Variants in SIPA1L3 observed in about 807,000 individuals in gnomAD.
The protein encoded by SIPA1L3 is signal-induced proliferation-associated 1-like protein 3.
Under a neutral mutation model 150.1 loss-of-function variants are expected in SIPA1L3, and 59 were observed. The ratio of observed to expected loss-of-function variants is 0.39; its 90% CI spans 0.32 to 0.49. The LOEUF (loss-of-function observed/expected upper bound fraction) is 0.49, where lower values mean the gene tolerates loss of function less well. Ranked by LOEUF, SIPA1L3 falls within the 20% of genes least tolerant of loss-of-function variation. The probability of loss-of-function intolerance (pLI) is 0.86; values close to 1 mark genes in which losing one functional copy is unlikely to be tolerated. For missense variants in SIPA1L3, 2,211 were observed against 2,489.5 expected, an observed-to-expected ratio of 0.89 and a Z score of 2.38; for synonymous variants, 1,070 against 1,077.6, an observed-to-expected ratio of 0.99 and a Z score of 0.14.
intron 8 of SIPA1L3, among the ~76,000 whole-genome samples, chr19:38,117,083 G>A (rs1424841458): frequency 2.6e-5 from 4 of 152,264 alleles, no homozygotes; most frequent in South Asian, 2.1e-4. Context: ...GGCTCCTTCC[G>A]CCCAGAAGCC....
intron 2 of SIPA1L3, among the ~76,000 whole-genome samples, chr19:38,049,961 G>C (rs2145757800): frequency 6.6e-6 from 1 of 152,228 alleles, no homozygotes. Flanking sequence ...CTTTCCAAGA[G>C]AGGCCCAGTC....
At chr19:38,192,458 G>T in intron 17 of SIPA1L3, 148 bp downstream of exon 17, 1 of 703,846 alleles carries the variant, frequency 1.4e-6, no homozygotes. Context: ...CAGTCCTGTT[G>T]GGGGCTATGG....
chr19:37,966,636 T>C (rs1370470120), intron 1 of SIPA1L3, among the ~76,000 whole-genome samples: 1 of 152,070 alleles, frequency 6.6e-6, no homozygotes, highest in African/African-American at 2.4e-5. Flanking sequence ...GGGAGGTGAT[T>C]TTGATCCGCC....
intron 9 of SIPA1L3, among the ~76,000 whole-genome samples, chr19:38,127,005 C>T (rs996578682): frequency 1.3e-5 from 2 of 151,898 alleles, no homozygotes; most frequent in Non-Finnish European, 2.9e-5. Context: ...CCAGCCTGAC[C>T]GACATGGAGA....
chr19:38,030,365 C>T (rs1175228874), intron 2 of SIPA1L3, among the ~76,000 whole-genome samples: 5 of 151,940 alleles, frequency 3.3e-5, no homozygotes, highest in Middle Eastern at 6.8e-3. Context: ...TGCTGGAGAC[C>T]AGCCTGGGCA....
rs749829120 is a variant in SIPA1L3, at chr19:38,110,352, C to T, written c.2259C>T (p.Val753=). 25 of 1,614,116 alleles carry T rather than the reference C, an allele frequency of 1.5e-5. No individual in the cohort carries two copies. Among genetic ancestry groups the T allele is most frequent in the Middle Eastern group, 3.3e-4 (2 of 6,062 alleles). ...HFQHVFIIVR[V]HNPCTDNVCY... ...AGCACGTCTTCATCATTGTCCGAGT[C>T]CACAACCCCTGCACTGATAACGTCT... is the stretch of plus-strand genomic sequence containing the variant. Residue 753 remains valine (V), a synonymous_variant, in exon 8 of 22, where the codon GTC becomes GTT. Coordinates refer to ENST00000222345, the MANE Select transcript of SIPA1L3 (RefSeq NM_015073.3).
chr19:38,094,824 T>C (rs1456294629), intron 4 of SIPA1L3, among the ~76,000 whole-genome samples: 5 of 152,072 alleles, frequency 3.3e-5, no homozygotes, highest in South Asian at 2.1e-4. Flanking sequence ...CCCAGCACTT[T>C]TGGAGGCCTA....
chr19:37,975,599 C>G (rs1239260974), intron 1 of SIPA1L3, among the ~76,000 whole-genome samples: 2 of 152,172 alleles, frequency 1.3e-5, no homozygotes, highest in Non-Finnish European at 2.9e-5. Flanking sequence ...AACTTTAGAA[C>G]AGCTCCTGGC....
chr19:38,061,443 C>T (rs529299971), intron 2 of SIPA1L3, among the ~76,000 whole-genome samples: 2 of 151,834 alleles, frequency 1.3e-5, no homozygotes, highest in Non-Finnish European at 2.9e-5. Flanking sequence ...ATGTTGAGAA[C>T]TTGGAATCTG....
At chr19:38,059,041 A>G (rs1350194123) in intron 2 of SIPA1L3, among the ~76,000 whole-genome samples, 1 of 151,874 alleles carries the variant, frequency 6.6e-6, no homozygotes, top group African/African-American at 2.4e-5. Flanking sequence ...AAAAAAAAAA[A>G]AAAAGACAAA....
chr19:37,946,871 G>T (rs2046716601), intron 1 of SIPA1L3, among the ~76,000 whole-genome samples: 1 of 151,980 alleles, frequency 6.6e-6, no homozygotes, highest in Non-Finnish European at 1.5e-5. Flanking sequence ...TATTTATTTT[G>T]GAATTGGTTG....
intron 2 of SIPA1L3, among the ~76,000 whole-genome samples, chr19:38,045,424 C>A (rs1470018726): frequency 6.6e-6 from 1 of 151,108 alleles, no homozygotes; most frequent in Non-Finnish European, 1.5e-5. Context: ...CGTAATTTAA[C>A]TGTGGCAATG....
intron 16 of SIPA1L3, among the ~76,000 whole-genome samples, chr19:38,186,480 TTTTTG>T (rs148671328): frequency 0.35 from 52,253 of 147,742 alleles, 10,974 homozygotes; most frequent in Middle Eastern, 0.56. Flanking sequence ...GTCTGGCTAA[TTTTTG>T]TTTTGTTTTG....
intron 6 of SIPA1L3, 138 bp from the exon 7 acceptor site, chr19:38,106,399 G>A (rs755187366): frequency 1.4e-6 from 1 of 704,836 alleles, no homozygotes; most frequent in Admixed American, 2.0e-5. Flanking sequence ...GAACCACCAG[G>A]CCTGGCCAGT....
chr19:37,974,609 T>C (rs755066425), intron 1 of SIPA1L3, among the ~76,000 whole-genome samples: 13 of 152,022 alleles, frequency 8.6e-5, no homozygotes, highest in Non-Finnish European at 1.8e-4. Context: ...GAGGGTGAGA[T>C]GCAGGAGCAG....
intron 11 of SIPA1L3, 80 bp downstream of exon 11, chr19:38,141,515 A>C: frequency 7.1e-7 from 1 of 1,406,870 alleles, no homozygotes; most frequent in Non-Finnish European, 9.7e-7. Flanking sequence ...TCTCCTCACT[A>C]TTTCCTCCAT....
In SIPA1L3 at chr19:38,164,803, G is replaced by T; in HGVS notation, c.4105G>T (p.Val1369Phe). The change falls in exon 15 of 22, where the codon GTT (valine) becomes TTT (phenylalanine). Residue 1369 changes from valine (V) to phenylalanine (F), a missense_variant. Physicochemically the swap from Val to Phe is conservative, Grantham distance 50 (BLOSUM62 -1). Around this residue, in one of 5 missense-constraint regions of SIPA1L3, gnomAD observed 806 missense variants for 870.1 expected, o/e 0.93. Transcript: ENST00000222345. The surrounding 1 kb of genome is among the most constrained non-coding windows in gnomAD (Gnocchi z 4.1). ...GCGGGAGGTCTCCCCTGCCCCCGCA[G>T]TTGCCGGCCAAAGCAAGGGCTACCG... ...RRREVSPAPA[V>F]AGQSKGYRPK... The T allele has an allele frequency of 1.2e-6, 2 of 1,611,634 alleles. No homozygotes were observed. Among genetic ancestry groups the T allele is most frequent in the Non-Finnish European group, 8.5e-7 (1 of 1,178,906 alleles).
intron 15 of SIPA1L3, among the ~76,000 whole-genome samples, chr19:38,181,379 C>T (rs969567058): frequency 2.6e-5 from 4 of 152,160 alleles, no homozygotes; most frequent in Non-Finnish European, 5.9e-5. Context: ...ATGCCGTGTT[C>T]CCAGGTACTT....
At chr19:38,135,690 C>T (rs1294941295) in intron 10 of SIPA1L3, among the ~76,000 whole-genome samples, 3 of 152,156 alleles carry the variant, frequency 2.0e-5, no homozygotes, top group Non-Finnish European at 4.4e-5. Flanking sequence ...GAAGACATTC[C>T]CTCCTGTTCC....
Sources: allele counts gnomAD v4.1 joint callset (sites outside exome capture counted in the v4.1 genomes callset), GRCh38; gene constraint gnomAD v4.1.1; regional missense constraint gnomAD v4.1.1; non-coding constraint Gnocchi (gnomAD v3.1); transcripts MANE v1.5; gene names NCBI Gene and HGNC (gene_info 2026-07-23, HGNC 2026-07-21).